Variants in PIGK observed in about 807,000 individuals in gnomAD.
PIGK encodes GPI-anchor transamidase.
In PIGK, 42 loss-of-function variants were observed where a neutral mutation model predicts 50.6. The ratio of observed to expected loss-of-function variants is 0.83; its 90% CI spans 0.65 to 1.07. The LOEUF is 1.07. Among genes scored for constraint, PIGK ranks in the 50% least tolerant of loss-of-function variants. The pLI is 0.00. For synonymous variants in PIGK, 151 were observed against 156.0 expected (o/e 0.97, Z 0.24); for missense variants, 448 against 488.7 (o/e 0.92, Z 0.78).
At chr1:77,206,810 G>T in intron 2 of PIGK, 79 bp from the exon 3 acceptor site, 3 of 809,276 alleles carry the variant, frequency 3.7e-6, no homozygotes, top group Non-Finnish European at 6.3e-6. Flanking sequence ...CTTTAAGTAG[G>T]ATACAGAGAT....
At chr1:77,132,217 A>G (rs1654388451) in intron 9 of PIGK, among the ~76,000 whole-genome samples, 1 of 152,020 alleles carries the variant, frequency 6.6e-6, no homozygotes, top group East Asian at 1.9e-4. Flanking sequence ...TTTTCTTTGA[A>G]ATAGGGTACT....
intron 10 of PIGK, among the ~76,000 whole-genome samples, chr1:77,108,826 T>C (rs567831123): frequency 1.3e-5 from 2 of 152,302 alleles, no homozygotes; most frequent in African/African-American, 4.8e-5. Flanking sequence ...CTCTTCTCGC[T>C]TCATTTTATT....
At position 77,148,660 on chromosome 1, in the gene PIGK, G is replaced by C. The variant is rs572285747; in HGVS notation, c.986+5789C>G. Among the ~76,000 whole-genome samples, 9 of 151,720 alleles carry C rather than the reference G, an allele frequency of 5.9e-5. No individual in the cohort carries two copies. The South Asian group carries it at 1.5e-3, about 25-fold the overall frequency. Reference sequence around the variant, plus strand: ...AATGTGCACAGGTTTTGGTTTGTTTGTTTGCTTCTTTTCTCTTTTTTGGTG... The same window carrying C: ...AATGTGCACAGGTTTTGGTTTGTTTCTTTGCTTCTTTTCTCTTTTTTGGTG... On this transcript the variant is annotated intron_variant, in intron 9 of 10. Coordinates refer to ENST00000370812, the MANE Select transcript of PIGK (RefSeq NM_005482.3).
chr1:77,198,644 A>T (rs1156316097), intron 3 of PIGK, among the ~76,000 whole-genome samples: 1 of 152,056 alleles, frequency 6.6e-6, no homozygotes, highest in Admixed American at 6.5e-5. Context: ...TACCATTTAC[A>T]ATAATAACAA....
chr1:77,126,888 C>T (rs1461517161), intron 9 of PIGK, among the ~76,000 whole-genome samples: 1 of 152,058 alleles, frequency 6.6e-6, no homozygotes, highest in East Asian at 1.9e-4. Flanking sequence ...ATTTCAGAAG[C>T]CCCCCTAAAA....
chr1:77,190,835 T>G (rs1655887340), intron 3 of PIGK, among the ~76,000 whole-genome samples: 1 of 152,154 alleles, frequency 6.6e-6, no homozygotes, highest in South Asian at 2.1e-4. Context: ...GACTGCCACT[T>G]TCACTCTCAA....
intron 9 of PIGK, among the ~76,000 whole-genome samples, chr1:77,152,602 C>T (rs1371843563): frequency 1.3e-5 from 2 of 151,774 alleles, no homozygotes; most frequent in African/African-American, 2.4e-5. Flanking sequence ...AATTCATCCA[C>T]CTGACAAGCA....
chr1:77,193,245 A>ACG (rs140312812), intron 3 of PIGK, among the ~76,000 whole-genome samples: 2 of 144,778 alleles, frequency 1.4e-5, no homozygotes, highest in East Asian at 4.1e-4. Context: ...TGGCATGAGA[A>ACG]TGTGTGTGTG....
At chr1:77,094,118 G>A (rs971580537) in intron 10 of PIGK, among the ~76,000 whole-genome samples, 1 of 152,096 alleles carries the variant, frequency 6.6e-6, no homozygotes, top group Admixed American at 6.6e-5. Flanking sequence ...TCACACAAAA[G>A]GGTTGAAAAT....
chr1:77,159,509 GA>G (rs1319721629), intron 8 of PIGK, among the ~76,000 whole-genome samples: 1 of 152,198 alleles, frequency 6.6e-6, no homozygotes, highest in Non-Finnish European at 1.5e-5. Flanking sequence ...TGTGTACCTG[GA>G]AAAGCCACAG....
At chr1:77,189,987 C>A (rs1570252289) in intron 3 of PIGK, among the ~76,000 whole-genome samples, 2 of 151,880 alleles carry the variant, frequency 1.3e-5, no homozygotes, top group African/African-American at 2.4e-5. Context: ...CCCCAGGTCA[C>A]ACAGCTAGCA....
At chr1:77,135,882 G>C (rs1282901643) in intron 9 of PIGK, among the ~76,000 whole-genome samples, 2 of 150,602 alleles carry the variant, frequency 1.3e-5, no homozygotes, top group Admixed American at 6.6e-5. Flanking sequence ...TTAATACTTT[G>C]GTTTATCTTA....
chr1:77,147,356 G>A (rs944514193), intron 9 of PIGK, among the ~76,000 whole-genome samples: 28 of 151,866 alleles, frequency 1.8e-4, no homozygotes, highest in African/African-American at 6.8e-4. Context: ...ACCATATCAG[G>A]AGGAGAGAGG....
chr1:77,191,854 T>C (rs1255952035), intron 3 of PIGK, among the ~76,000 whole-genome samples: 1 of 152,174 alleles, frequency 6.6e-6, no homozygotes, highest in African/African-American at 2.4e-5. Flanking sequence ...GGCAAAACCC[T>C]GTCTCTACAA....
chr1:77,170,896 A>G (rs1655343784), intron 3 of PIGK, among the ~76,000 whole-genome samples: 1 of 152,192 alleles, frequency 6.6e-6, no homozygotes, highest in Non-Finnish European at 1.5e-5. Flanking sequence ...TCAAAACTGA[A>G]ACATTATTTT....
chr1:77,209,352 G>C (rs1156743690), intron 2 of PIGK, among the ~76,000 whole-genome samples: 1 of 151,800 alleles, frequency 6.6e-6, no homozygotes, highest in African/African-American at 2.4e-5. Flanking sequence ...AAAAATTAAA[G>C]ATGGTAATTC....
At chr1:77,113,750 A>T (rs1377041700) in intron 10 of PIGK, among the ~76,000 whole-genome samples, 1 of 152,138 alleles carries the variant, frequency 6.6e-6, no homozygotes, top group Non-Finnish European at 1.5e-5. Context: ...AGGCCATTGC[A>T]CTACTTAAAC....
chr1:77,132,160 A>C, intron 9 of PIGK, among the ~76,000 whole-genome samples: 1 of 152,022 alleles, frequency 6.6e-6, no homozygotes, highest in East Asian at 1.9e-4. Context: ...AAAATGTCTC[A>C]TGTAAATAGC....
At chr1:77,199,590 A>G (rs917195908) in intron 3 of PIGK, among the ~76,000 whole-genome samples, 22 of 152,102 alleles carry the variant, frequency 1.4e-4, no homozygotes, top group African/African-American at 5.1e-4. Context: ...AAATAGTAAT[A>G]TAATAAATGT....
Sources: allele counts gnomAD v4.1 joint callset (sites outside exome capture counted in the v4.1 genomes callset), GRCh38; gene constraint gnomAD v4.1.1; transcripts MANE v1.5; gene names NCBI Gene and HGNC (gene_info 2026-07-23, HGNC 2026-07-21).